Variants in AXIN1 observed in about 807,000 individuals in gnomAD.
The protein encoded by AXIN1 is axin-1.
In AXIN1, 30 loss-of-function variants were observed where a neutral mutation model predicts 76.4. The observed-to-expected ratio is 0.39, with a 90% CI of 0.29 to 0.53. AXIN1 has a LOEUF of 0.53. Ranked by LOEUF, AXIN1 falls within the 20% of genes least tolerant of loss-of-function variation. AXIN1 has a pLI of 0.66. For missense variants in AXIN1, 1,140 were observed against 1,198.8 expected (o/e 0.95, Z 0.72); for synonymous variants, 545 against 501.4 (o/e 1.09, Z -1.16).
chr16:336,592 C>T (rs557761925), intron 2 of AXIN1, among the ~76,000 whole-genome samples: 10 of 152,058 alleles, frequency 6.6e-5, no homozygotes, highest in Non-Finnish European at 1.3e-4. Context: ...GAGGCCAATG[C>T]GGGCAGATCA....
intron 2 of AXIN1, among the ~76,000 whole-genome samples, chr16:341,812 C>G (rs970127170): frequency 6.6e-6 from 1 of 152,246 alleles, no homozygotes; most frequent in African/African-American, 2.4e-5. Flanking sequence ...CACCAATCAG[C>G]ACTCTGTGTC....
Position 289,463 on chromosome 16 carries a change from C to A in AXIN1, c.2439G>T (p.Leu813=), listed in dbSNP as rs1401233419. Residue 813 remains leucine, a synonymous_variant, in exon 10 of 11, where the codon CTG becomes CTT. Transcript: ENST00000262320. ...RAVTLGQFKE[L]LTKKGSYRYY... is the part of the protein sequence containing the mutation. ...ACCTGTAGCTGCCCTTTTTGGTCAGCAGCTCCTTGAACTGGCCCAGGGTGA... is the reference window on the plus strand; with the variant it reads ...ACCTGTAGCTGCCCTTTTTGGTCAGAAGCTCCTTGAACTGGCCCAGGGTGA... 1.2e-6 allele frequency: 2 copies of A among 1,612,960 alleles called. No individual in the cohort carries two copies. The highest frequency in any genetic ancestry group is 4.5e-5 in the East Asian group (2 of 44,886).
chr16:291,540 C>A, intron 8 of AXIN1: 1 of 573,384 alleles, frequency 1.7e-6, no homozygotes, highest in Non-Finnish European at 3.2e-6. Flanking sequence ...CCTGAGTTCC[C>A]TGGACCGCAC....
chr16:342,720 C>T (rs1188436024), intron 2 of AXIN1, among the ~76,000 whole-genome samples: 3 of 152,230 alleles, frequency 2.0e-5, no homozygotes, highest in African/African-American at 4.8e-5. Context: ...TCCGTCAGAG[C>T]TGCGGGAAGC....
chr16:343,222 C>G (rs559139797), intron 2 of AXIN1, among the ~76,000 whole-genome samples: 1 of 152,336 alleles, frequency 6.6e-6, no homozygotes, highest in African/African-American at 2.4e-5. Flanking sequence ...ATGTATCCCA[C>G]TAATTTCATA....
At chr16:326,042 G>A (rs1400000890) in intron 2 of AXIN1, among the ~76,000 whole-genome samples, 1 of 152,042 alleles carries the variant, frequency 6.6e-6, no homozygotes, top group Non-Finnish European at 1.5e-5. Context: ...TCATGCAGAT[G>A]CTGTCACTTA....
At chr16:288,342 G>C (rs764175859) in intron 10 of AXIN1, 94 bp from the exon 11 acceptor site, 4 of 1,580,136 alleles carry the variant, frequency 2.5e-6, no homozygotes, top group Non-Finnish European at 3.5e-6. Context: ...ACCCCATCCC[G>C]AGGAGCCTCC....
At chr16:311,084 G>A (rs908605101) in intron 3 of AXIN1, among the ~76,000 whole-genome samples, 1 of 134,706 alleles carries the variant, frequency 7.4e-6, no homozygotes, top group Admixed American at 7.7e-5. Context: ...CCAGGCTGGA[G>A]TGTAGTGGCG....
intron 3 of AXIN1, 64 bp from the exon 4 acceptor site, chr16:310,133 T>C (rs930619034): frequency 1.8e-5 from 27 of 1,488,862 alleles, no homozygotes; most frequent in Admixed American, 1.4e-4. Context: ...ACCGTGCCAA[T>C]AGAGCTCCTG....
rs997670962 is a variant in AXIN1, at chr16:304,492, A to C, written c.1117-51T>G. The C allele has an allele frequency of 3.1e-6, 5 of 1,610,856 alleles. No homozygotes were observed. In the African/African-American group the frequency reaches 6.7e-5, roughly 22 times the overall value. ...CGGGGGTTGAAAGGTCACAGGCTAA[A>C]CATTTCTTTGTGAAGGGAAAGAGCG... On this transcript the variant is annotated intron_variant, in intron 4 of 10. Transcript: ENST00000262320.
At chr16:332,329 G>A (rs917212021) in intron 2 of AXIN1, among the ~76,000 whole-genome samples, 1 of 151,862 alleles carries the variant, frequency 6.6e-6, no homozygotes, top group African/African-American at 2.4e-5. Flanking sequence ...TGTAATCCCA[G>A]CACTTTGGGA....
At position 304,212 on chromosome 16, in the gene AXIN1, C is replaced by T. The variant is rs566023057; in HGVS notation, c.1254+92G>A. 5.0e-5 allele frequency: 80 copies of T among 1,591,166 alleles called. No individual in the cohort carries two copies. The African/African-American group carries it at 6.1e-4, about 12-fold the overall frequency. ...TGGGTCAGCAGGCCTCGGCCAGCCC[C>T]GGGCATCCCCATGAAGAACATCAGG... is the stretch of plus-strand genomic sequence containing the variant. On this transcript the variant is annotated intron_variant, in intron 5 of 10. Coordinates refer to ENST00000262320, the MANE Select transcript of AXIN1 (RefSeq NM_003502.4).
chr16:321,939 C>A (rs1025762385), intron 2 of AXIN1, among the ~76,000 whole-genome samples: 2 of 152,200 alleles, frequency 1.3e-5, no homozygotes, highest in Non-Finnish European at 2.9e-5. Flanking sequence ...AAGTTAGAGA[C>A]CAGCTGTATT....
intron 2 of AXIN1, among the ~76,000 whole-genome samples, chr16:341,255 G>C (rs544493908): frequency 6.6e-6 from 1 of 152,278 alleles, no homozygotes; most frequent in South Asian, 2.1e-4. Context: ...AGCTTGCGGG[G>C]AGGTGTGGAG....
intron 9 of AXIN1, chr16:289,862 C>T (rs1486112180): frequency 2.8e-5 from 16 of 571,808 alleles, no homozygotes; most frequent in South Asian, 4.0e-5. Context: ...CTCGACTGGC[C>T]AGGGCCTGGC....
chr16:310,644 G>A (rs1325612434), intron 3 of AXIN1, among the ~76,000 whole-genome samples: 3 of 152,222 alleles, frequency 2.0e-5, no homozygotes, highest in Admixed American at 2.0e-4. Flanking sequence ...TGATCCGCCC[G>A]CCTCGGCCTC....
At chr16:315,193 A>G (rs957179192) in intron 2 of AXIN1, among the ~76,000 whole-genome samples, 4 of 152,190 alleles carry the variant, frequency 2.6e-5, no homozygotes, top group Non-Finnish European at 4.4e-5. Context: ...CCCTACCTAG[A>G]GCAGAGGTTC....
intron 4 of AXIN1, among the ~76,000 whole-genome samples, chr16:306,444 G>A (rs1456272399): frequency 6.6e-6 from 1 of 152,228 alleles, no homozygotes; most frequent in Non-Finnish European, 1.5e-5. Context: ...TGACAAGCAA[G>A]CAGGGTGGCA....
intron 2 of AXIN1, among the ~76,000 whole-genome samples, chr16:324,434 C>T (rs967207533): frequency 1.3e-5 from 2 of 152,140 alleles, no homozygotes; most frequent in Admixed American, 6.5e-5. Flanking sequence ...CACAGGCCCG[C>T]GGTCCTCCGG....
Sources: allele counts gnomAD v4.1 joint callset (sites outside exome capture counted in the v4.1 genomes callset), GRCh38; gene constraint gnomAD v4.1.1; transcripts MANE v1.5; gene names NCBI Gene and HGNC (gene_info 2026-07-23, HGNC 2026-07-21).